BICDL1: variants seen among roughly 807,000 people sequenced by gnomAD.
The protein encoded by BICDL1 is BICD family-like cargo adapter 1.
BICDL1 carries 20 observed loss-of-function variants against 76.8 expected under a neutral mutation model. That is an observed-to-expected ratio of 0.26 (90% CI 0.18 to 0.38). BICDL1 has a LOEUF of 0.38. Among genes scored for constraint, BICDL1 ranks in the 10% least tolerant of loss-of-function variants. BICDL1 has a pLI of 1.00. For missense variants in BICDL1, 700 were observed against 798.6 expected (o/e 0.88, Z 1.49); for synonymous variants, 383 against 337.1 (o/e 1.14, Z -1.49).
At chr12:119,995,417 G>A (rs1951621803) in intron 1 of BICDL1, among the ~76,000 whole-genome samples, 1 of 152,144 alleles carries the variant, frequency 6.6e-6, no homozygotes, top group African/African-American at 2.4e-5. Flanking sequence ...CCTGTCCTCA[G>A]CCCTGCCCCC....
chr12:120,009,295 C>A (rs1278087110), intron 2 of BICDL1, among the ~76,000 whole-genome samples: 1 of 152,050 alleles, frequency 6.6e-6, no homozygotes, highest in East Asian at 1.9e-4. Context: ...TGAGCCTGTT[C>A]TTAATTATTT....
chr12:119,998,808 C>T, intron 2 of BICDL1, 72 bp downstream of exon 2: 1 of 1,419,316 alleles, frequency 7.0e-7, no homozygotes, highest in Middle Eastern at 1.9e-4. Context: ...GAGGCTTATG[C>T]CTGTGACGCC....
At chr12:120,002,348 G>A (rs979173108) in intron 2 of BICDL1, among the ~76,000 whole-genome samples, 1 of 152,154 alleles carries the variant, frequency 6.6e-6, no homozygotes, top group African/African-American at 2.4e-5. Flanking sequence ...CATAAGAAAC[G>A]TGTTGGGGTT....
intron 2 of BICDL1, among the ~76,000 whole-genome samples, chr12:120,040,292 T>C (rs1362890412): frequency 6.6e-6 from 1 of 152,112 alleles, no homozygotes; most frequent in East Asian, 1.9e-4. Flanking sequence ...AGAGAATCGC[T>C]GTTGGTCAGG....
intron 7 of BICDL1, among the ~76,000 whole-genome samples, chr12:120,077,488 C>T (rs896479782): frequency 2.3e-4 from 19 of 82,866 alleles, no homozygotes. Context: ...TCGGTGAGGC[C>T]CTCAGCCAGT....
chr12:120,075,746 T>A (rs1438789369), intron 7 of BICDL1, among the ~76,000 whole-genome samples: 1 of 152,118 alleles, frequency 6.6e-6, no homozygotes, highest in Admixed American at 6.6e-5. Flanking sequence ...TTTCTGGGAG[T>A]CATCCCGTTA....
chr12:120,032,066 TG>T, intron 2 of BICDL1, among the ~76,000 whole-genome samples: 1 of 152,332 alleles, frequency 6.6e-6, no homozygotes, highest in Non-Finnish European at 1.5e-5. Flanking sequence ...CACTCCAGCC[TG>T]GGCAATAGAG....
intron 2 of BICDL1, among the ~76,000 whole-genome samples, chr12:120,051,878 G>T (rs1347434425): frequency 1.3e-5 from 2 of 152,074 alleles, no homozygotes; most frequent in Admixed American, 1.3e-4. Flanking sequence ...TGTTGCACTT[G>T]GTTGTCATGT....
intron 2 of BICDL1, among the ~76,000 whole-genome samples, chr12:120,015,360 C>G (rs1165886862): frequency 2.0e-5 from 3 of 152,180 alleles, no homozygotes; most frequent in Non-Finnish European, 4.4e-5. Context: ...ACCTAGCACA[C>G]ATTTCCAGCC....
At chr12:120,022,383 G>A (rs1010017086) in intron 2 of BICDL1, among the ~76,000 whole-genome samples, 3 of 149,400 alleles carry the variant, frequency 2.0e-5, no homozygotes, top group Non-Finnish European at 4.4e-5. Flanking sequence ...AGGCAACAGC[G>A]TGAGACCCTG....
At chr12:120,088,701 C>T (rs560341849) in intron 8 of BICDL1, among the ~76,000 whole-genome samples, 13 of 149,912 alleles carry the variant, frequency 8.7e-5, no homozygotes, top group African/African-American at 2.2e-4. Flanking sequence ...GAGTCTTGTT[C>T]TGTCACCCAG....
chr12:120,089,855 CTG>C (rs1183052095), intron 8 of BICDL1, 94 bp from the exon 9 acceptor site: 2 of 1,460,656 alleles, frequency 1.4e-6, no homozygotes, highest in Admixed American at 4.0e-5. Flanking sequence ...GGGTCAGAGC[CTG>C]TTTCCTCATC....
At chr12:120,011,256 C>T (rs1951947009) in intron 2 of BICDL1, among the ~76,000 whole-genome samples, 1 of 152,170 alleles carries the variant, frequency 6.6e-6, no homozygotes, top group Admixed American at 6.6e-5. Context: ...CTGGTCAGAG[C>T]TCAGTCACAT....
intron 3 of BICDL1, 113 bp from the exon 4 acceptor site, chr12:120,064,618 CAT>C: frequency 2.9e-6 from 3 of 1,028,354 alleles, no homozygotes; most frequent in Non-Finnish European, 4.2e-6. Context: ...GGTACCGTGA[CAT>C]TGGGCAGAAT....
intron 3 of BICDL1, among the ~76,000 whole-genome samples, chr12:120,063,255 T>C (rs1305322854): frequency 1.3e-5 from 2 of 152,206 alleles, no homozygotes; most frequent in Non-Finnish European, 2.9e-5. Context: ...TGTCTTCACA[T>C]GGGTAACTTT....
chr12:119,998,657 G>C lies in BICDL1; in HGVS notation c.566G>C (p.Arg189Pro). 6.2e-7 allele frequency: 1 copy of C among 1,614,098 alleles called. No homozygotes were observed. Among genetic ancestry groups the C allele is most frequent in the East Asian group, 2.2e-5 (1 of 44,884 alleles). ...TTGGAGAGGCAGCAGATTCATCTGC[G>C]GGAAGCAGATCGAGAAAAATCACGG... The part of the protein sequence containing the change: ...DELERQQIHL[R>P]EADREKSRAV... Residue 189 changes from arginine to proline, a missense_variant, in exon 2 of 10, where the codon CGG becomes CCG. Transcript: ENST00000548673.
At chr12:120,089,059 G>A (rs1187110355) in intron 8 of BICDL1, among the ~76,000 whole-genome samples, 2 of 152,230 alleles carry the variant, frequency 1.3e-5, no homozygotes, top group African/African-American at 4.8e-5. Context: ...ACCACTGTGT[G>A]GCTATCTTCG....
At chr12:119,998,285 A>AG (rs1951692632) in intron 1 of BICDL1, among the ~76,000 whole-genome samples, 2 of 152,354 alleles carry the variant, frequency 1.3e-5, no homozygotes, top group East Asian at 3.9e-4. Flanking sequence ...AAGAATAAAC[A>AG]TAATAACTTT....
chr12:120,081,715 A>G (rs1318467322), intron 8 of BICDL1, among the ~76,000 whole-genome samples: 1 of 149,292 alleles, frequency 6.7e-6, no homozygotes, highest in Non-Finnish European at 1.5e-5. Flanking sequence ...GTTTGTTTCT[A>G]TTTTTTTATT....
Sources: allele counts gnomAD v4.1 joint callset (sites outside exome capture counted in the v4.1 genomes callset), GRCh38; gene constraint gnomAD v4.1.1; transcripts MANE v1.5; gene names NCBI Gene and HGNC (gene_info 2026-07-23, HGNC 2026-07-21).